GPC6: variants seen among roughly 807,000 people sequenced by gnomAD.
The protein encoded by GPC6 is glypican 6, also known as glypican-6.
In GPC6, 14 loss-of-function variants were observed where a neutral mutation model predicts 55.2. The ratio of observed to expected loss-of-function variants is 0.25; its 90% CI spans 0.17 to 0.40. The LOEUF (loss-of-function observed/expected upper bound fraction) is 0.40, where lower values mean the gene tolerates loss of function less well. GPC6 is among the 10% of genes least tolerant of loss of function. GPC6 has a pLI of 1.00. For missense variants in GPC6, 641 were observed against 708.5 expected, an observed-to-expected ratio of 0.90 and a Z score of 1.08; for synonymous variants, 278 against 259.6, an observed-to-expected ratio of 1.07 and a Z score of -0.68.
At chr13:93,339,559 G>A (rs552117536) in intron 1 of GPC6, among the ~76,000 whole-genome samples, 1 of 151,730 alleles carries the variant, frequency 6.6e-6, no homozygotes, top group African/African-American at 2.4e-5. Flanking sequence ...GAATGCATGA[G>A]CCCCCAGGTC....
At chr13:93,295,274 C>T (rs1594079182) in intron 1 of GPC6, among the ~76,000 whole-genome samples, 1 of 92,780 alleles carries the variant, frequency 1.1e-5, no homozygotes, top group South Asian at 3.6e-4. Context: ...TGGGGTGGTA[C>T]AGGGAGACCC....
intron 1 of GPC6, among the ~76,000 whole-genome samples, chr13:93,434,861 C>A (rs1877508720): frequency 6.6e-6 from 1 of 152,078 alleles, no homozygotes; most frequent in Non-Finnish European, 1.5e-5. Flanking sequence ...GGTGCACCAC[C>A]ATGCCCAGTT....
chr13:94,185,933 C>G (rs188627265), intron 4 of GPC6, among the ~76,000 whole-genome samples: 6,700 of 151,372 alleles, frequency 0.044, 361 homozygotes, highest in African/African-American at 0.12. Flanking sequence ...GGTGGCAGGC[C>G]CCTGTAGTCC....
intron 3 of GPC6, among the ~76,000 whole-genome samples, chr13:93,945,476 T>C (rs1262498103): frequency 6.6e-6 from 1 of 152,174 alleles, no homozygotes; most frequent in Non-Finnish European, 1.5e-5. Context: ...TGAAAGTTGT[T>C]GGCAAGGTGA....
chr13:93,924,916 A>G (rs999187497), intron 3 of GPC6, among the ~76,000 whole-genome samples: 2 of 152,238 alleles, frequency 1.3e-5, no homozygotes, highest in African/African-American at 4.8e-5. Flanking sequence ...AAATGGCTAC[A>G]TTAAGCTCAT....
chr13:93,377,411 A>G (rs1279290423), intron 1 of GPC6, among the ~76,000 whole-genome samples: 3 of 152,198 alleles, frequency 2.0e-5, no homozygotes, highest in Admixed American at 1.3e-4. Context: ...GTCTTGCACA[A>G]TCCCCTAGAC....
intron 4 of GPC6, among the ~76,000 whole-genome samples, chr13:94,099,780 T>A (rs1294169222): frequency 6.6e-6 from 1 of 152,150 alleles, no homozygotes; most frequent in Non-Finnish European, 1.5e-5. Flanking sequence ...ATGTAAATTA[T>A]CAGGTGGCTT....
chr13:94,019,295 G>A (rs969301081), intron 3 of GPC6, among the ~76,000 whole-genome samples: 3 of 152,132 alleles, frequency 2.0e-5, no homozygotes, highest in Non-Finnish European at 4.4e-5. Flanking sequence ...TTGGTAGGGT[G>A]TATCTTTCCA....
intron 2 of GPC6, among the ~76,000 whole-genome samples, chr13:93,674,982 A>G (rs1881529410): frequency 6.6e-6 from 1 of 152,200 alleles, no homozygotes; most frequent in South Asian, 2.1e-4. Context: ...TCAAAACTCA[A>G]ATGCAAAGGC....
chr13:93,441,001 A>G (rs1483195053), intron 1 of GPC6, among the ~76,000 whole-genome samples: 5 of 152,134 alleles, frequency 3.3e-5, no homozygotes, highest in Non-Finnish European at 7.4e-5. Context: ...AGCTTCATCC[A>G]TGTCCCTACA....
chr13:93,535,539 A>T (rs550578629), intron 1 of GPC6, among the ~76,000 whole-genome samples: 1 of 152,202 alleles, frequency 6.6e-6, no homozygotes, highest in South Asian at 2.1e-4. Flanking sequence ...GTCATTATCA[A>T]ACTTTACACC....
chr13:93,335,580 T>C (rs929203670), intron 1 of GPC6, among the ~76,000 whole-genome samples: 4 of 152,162 alleles, frequency 2.6e-5, no homozygotes, highest in African/African-American at 7.2e-5. Flanking sequence ...ATGGTAAAGA[T>C]TGGGGGACTG....
At chr13:93,389,962 C>G (rs756791807) in intron 1 of GPC6, among the ~76,000 whole-genome samples, 4 of 151,886 alleles carry the variant, frequency 2.6e-5, no homozygotes, top group Admixed American at 6.6e-5. Flanking sequence ...TAATGAATTT[C>G]AAGAGTTAGA....
chr13:93,710,245 G>A (rs1883005952), intron 2 of GPC6, among the ~76,000 whole-genome samples: 1 of 151,764 alleles, frequency 6.6e-6, no homozygotes, highest in South Asian at 2.1e-4. Flanking sequence ...AAAAGTAAAT[G>A]CATCTCTAAT....
intron 2 of GPC6, among the ~76,000 whole-genome samples, chr13:93,764,697 G>C (rs9524201): frequency 0.2 from 29,954 of 151,990 alleles, 3,390 homozygotes; most frequent in Non-Finnish European, 0.25. Context: ...GAGGCAGAAG[G>C]GGTGCATGGT....
chr13:93,447,261 G>A (rs934231460), intron 1 of GPC6, among the ~76,000 whole-genome samples: 1 of 152,068 alleles, frequency 6.6e-6, no homozygotes, highest in Non-Finnish European at 1.5e-5. Flanking sequence ...TCTTCTATTA[G>A]CTGTAACATT....
At chr13:93,558,184 G>GT (rs1875579130) in intron 2 of GPC6, among the ~76,000 whole-genome samples, 1 of 152,152 alleles carries the variant, frequency 6.6e-6, no homozygotes, top group Non-Finnish European at 1.5e-5. Context: ...AATAATACCT[G>GT]TTTTGAAACT....
intron 3 of GPC6, among the ~76,000 whole-genome samples, chr13:93,969,814 G>C (rs1880205444): frequency 6.6e-6 from 1 of 151,982 alleles, no homozygotes; most frequent in African/African-American, 2.4e-5. Context: ...GTGAATGAGA[G>C]CATGTGGTAT....
intron 1 of GPC6, among the ~76,000 whole-genome samples, chr13:93,503,274 A>G (rs923807159): frequency 6.6e-6 from 1 of 152,146 alleles, no homozygotes; most frequent in Non-Finnish European, 1.5e-5. Flanking sequence ...TTGTTGTCTC[A>G]CACAAGTTTA....
Sources: gnomAD v4.1 joint callset for allele counts (sites outside exome capture counted in the v4.1 genomes callset) on GRCh38, gnomAD v4.1.1 for gene constraint, MANE v1.5 for transcripts, NCBI Gene and HGNC (gene_info 2026-07-23, HGNC 2026-07-21) for gene names.